The following ABL1 variants were observed in gnomAD, a reference collection of about 807,000 sequenced individuals.
ABL1 encodes the protein tyrosine-protein kinase ABL1.
A neutral mutation model predicts 94.7 loss-of-function variants in ABL1; 11 were observed. That is an observed-to-expected ratio of 0.12 (90% CI 0.07 to 0.19). The LOEUF is 0.19. ABL1 is among the 10% of genes least tolerant of loss of function. The pLI is 1.00. For missense variants in ABL1, 1,082 were observed against 1,489.4 expected (o/e 0.73, Z 4.50); for synonymous variants, 656 against 622.4 (o/e 1.05, Z -0.80).
intron 1 of ABL1, among the ~76,000 whole-genome samples, chr9:130,823,589 A>G (rs922322283): frequency 6.6e-6 from 1 of 152,104 alleles, no homozygotes; most frequent in Non-Finnish European, 1.5e-5. Flanking sequence ...TCAGGATCCA[A>G]AATGCCCACG....
At chr9:130,756,806 TAAG>T (rs895248766) in intron 1 of ABL1, among the ~76,000 whole-genome samples, 1 of 152,188 alleles carries the variant, frequency 6.6e-6, no homozygotes, top group East Asian at 1.9e-4. Context: ...AACTTGGCTA[TAAG>T]AAGGTTTTGG....
intron 1 of ABL1, among the ~76,000 whole-genome samples, chr9:130,845,390 G>C (rs2132937934): frequency 6.6e-6 from 1 of 151,778 alleles, no homozygotes; most frequent in African/African-American, 2.4e-5. Flanking sequence ...TGCCCAGGCT[G>C]GAGCGTGGTG....
intron 6 of ABL1, among the ~76,000 whole-genome samples, chr9:130,873,958 A>G (rs1831298024): frequency 6.6e-6 from 1 of 152,240 alleles, no homozygotes; most frequent in Non-Finnish European, 1.5e-5. Context: ...GGCTTTCAGG[A>G]AAGTGAATCC....
At chr9:130,725,824 G>GTGTTTTTT (rs1831574389) in intron 1 of ABL1, among the ~76,000 whole-genome samples, 1 of 76,002 alleles carries the variant, frequency 1.3e-5, no homozygotes, top group East Asian at 3.6e-4. Flanking sequence ...GTGTATGGTG[G>GTGTTTTTT]TTTTTTTTTT....
intron 1 of ABL1, among the ~76,000 whole-genome samples, chr9:130,837,968 T>G (rs1830613880): frequency 6.6e-6 from 1 of 152,232 alleles, no homozygotes; most frequent in Non-Finnish European, 1.5e-5. Flanking sequence ...AAATGTGGTT[T>G]GATGGTGCAT....
intron 1 of ABL1, among the ~76,000 whole-genome samples, chr9:130,741,620 G>A (rs182346347): frequency 6.6e-5 from 10 of 150,654 alleles, no homozygotes; most frequent in East Asian, 5.9e-4. Flanking sequence ...TTACCATGCC[G>A]GAGTAACAGT....
intron 4 of ABL1, among the ~76,000 whole-genome samples, chr9:130,866,755 T>C (rs1202902916): frequency 1.3e-5 from 2 of 152,346 alleles, no homozygotes; most frequent in Non-Finnish European, 2.9e-5. Context: ...CCCTTGAATT[T>C]TGATAGTATT....
chr9:130,750,410 TCCCTCCCTCCCTCCCTCCC>T (rs1831946164), intron 1 of ABL1, among the ~76,000 whole-genome samples: 1 of 14,538 alleles, frequency 6.9e-5, no homozygotes, highest in Admixed American at 6.6e-4. Context: ...CCTCCCTCCC[TCCCTCCCTCCCTCCCTCCC>T]TCCCTCCCTC....
At chr9:130,877,221 C>T (rs977433978) in intron 7 of ABL1, among the ~76,000 whole-genome samples, 6 of 148,218 alleles carry the variant, frequency 4.0e-5, no homozygotes, top group Admixed American at 2.7e-4. Context: ...CCATGACGTC[C>T]GCGCCCTCAA....
At position 130,885,700 on chromosome 9, in the gene ABL1, G is replaced by A. The variant is rs754179525; in HGVS notation, c.*17G>A. 1 of 1,599,602 alleles carries A rather than the reference G, an allele frequency of 6.3e-7. No homozygotes were observed. Among genetic ancestry groups the A allele is most frequent in the East Asian group, 2.2e-5 (1 of 44,698 alleles). The stretch of plus-strand genomic sequence containing the variant: ...CAGAGGTAGCAGCAGTCAGGGGTCA[G>A]GTGTCAGGCCCGTCGGAGCTGCCTG... On this transcript the variant is annotated 3_prime_UTR_variant, in exon 11 of 11. Transcript: ENST00000318560.
chr9:130,736,400 T>C (rs576000459), intron 1 of ABL1, among the ~76,000 whole-genome samples: 36 of 152,354 alleles, frequency 2.4e-4, no homozygotes, highest in Non-Finnish European at 4.7e-4. Context: ...TGTCAAGCTT[T>C]GGGACTTTTT....
rs1831589170 is a variant in ABL1 at position 130,886,652 on chromosome 9, C to T, written c.*969C>T. ...ACCGTCCTTTCACACATCTGGGTGC[C>T]CTGAAAGGGCCCTTCCCCTCCCCCA... On this transcript the variant is annotated 3_prime_UTR_variant, in exon 11 of 11. Coordinates refer to ENST00000318560, the MANE Select transcript of ABL1 (RefSeq NM_005157.6). The T allele has an allele frequency of 4.3e-6, 1 of 233,592 alleles. No homozygotes were observed. The highest frequency in any genetic ancestry group is 2.2e-5 in the African/African-American group (1 of 45,358). The allele number at this position is 233,592 out of a possible 1,614,324, so 14.5% of individuals were successfully genotyped here.
chr9:130,789,100 C>T (rs1177876303), intron 1 of ABL1, among the ~76,000 whole-genome samples: 1 of 152,096 alleles, frequency 6.6e-6, no homozygotes, highest in Non-Finnish European at 1.5e-5. Context: ...CCTCATGAAA[C>T]ATAAAATACA....
chr9:130,871,407 C>T (rs1222395990), intron 4 of ABL1, among the ~76,000 whole-genome samples: 2 of 152,212 alleles, frequency 1.3e-5, no homozygotes, highest in Admixed American at 1.3e-4. Flanking sequence ...GCCCATGCTC[C>T]TATCTTTTTC....
At chr9:130,821,419 C>T (rs1007099526) in intron 1 of ABL1, among the ~76,000 whole-genome samples, 4 of 151,908 alleles carry the variant, frequency 2.6e-5, no homozygotes, top group Non-Finnish European at 5.9e-5. Flanking sequence ...TTTTTTTTCC[C>T]AGCATGTTTT....
At chr9:130,771,214 C>CTGTA (rs1427955059) in intron 1 of ABL1, among the ~76,000 whole-genome samples, 19 of 149,842 alleles carry the variant, frequency 1.3e-4, no homozygotes, top group Admixed American at 3.3e-4. Context: ...ATAGGGGCAG[C>CTGTA]TGTATGTATG....
intron 1 of ABL1, among the ~76,000 whole-genome samples, chr9:130,788,676 C>G (rs1419322601): frequency 6.6e-6 from 1 of 152,150 alleles, no homozygotes; most frequent in Non-Finnish European, 1.5e-5. Context: ...GTCTCTCTGC[C>G]TTGCATGACA....
intron 1 of ABL1, among the ~76,000 whole-genome samples, chr9:130,771,134 C>T (rs1040807413): frequency 2.6e-5 from 4 of 152,222 alleles, no homozygotes; most frequent in African/African-American, 7.2e-5. Context: ...ACATTCACCA[C>T]ATGGTGGTGC....
intron 1 of ABL1, among the ~76,000 whole-genome samples, chr9:130,828,194 C>T (rs768057875): frequency 2.0e-5 from 3 of 152,110 alleles, no homozygotes; most frequent in African/African-American, 7.2e-5. Flanking sequence ...CCCCAAGCAA[C>T]TGGGACTACA....
Sources: allele counts gnomAD v4.1 joint callset (sites outside exome capture counted in the v4.1 genomes callset), GRCh38; gene constraint gnomAD v4.1.1; transcripts MANE v1.5; gene names NCBI Gene and HGNC (gene_info 2026-07-23, HGNC 2026-07-21).